PLD5: variants seen among roughly 807,000 people sequenced by gnomAD.
PLD5 encodes phospholipase D family member 5, also known as inactive phospholipase D5.
PLD5 carries 36 observed loss-of-function variants against 61.1 expected under a neutral mutation model. The ratio of observed to expected loss-of-function variants is 0.59; its 90% CI spans 0.45 to 0.78. PLD5 has a LOEUF of 0.78. PLD5 is among the 30% of genes least tolerant of loss of function. PLD5 has a pLI of 0.00. For missense variants in PLD5, 515 were observed against 644.4 expected, an observed-to-expected ratio of 0.80 and a Z score of 2.17; for synonymous variants, 243 against 242.8, an observed-to-expected ratio of 1.00 and a Z score of -0.01.
chr1:242,342,139 A>G (rs1407887933), intron 2 of PLD5, among the ~76,000 whole-genome samples: 1 of 152,198 alleles, frequency 6.6e-6, no homozygotes, highest in Non-Finnish European at 1.5e-5. Context: ...TTGGGCCTGA[A>G]GTCAGGGAGG....
chr1:242,449,508 TGCTGGCCTCAATG>T, intron 1 of PLD5: 1 of 1,508,174 alleles, frequency 6.6e-7, no homozygotes, highest in Non-Finnish European at 8.8e-7. Flanking sequence ...GTCCCTCAAT[TGCTGGCCTCAATG>T]CTTTGGAAAT....
intron 1 of PLD5, among the ~76,000 whole-genome samples, chr1:242,356,784 T>G (rs1660776706): frequency 6.6e-6 from 1 of 152,128 alleles, no homozygotes; most frequent in South Asian, 2.1e-4. Context: ...TGATAACAGC[T>G]TAACTTTGAT....
At chr1:242,157,925 T>TC (rs1180655722) in intron 5 of PLD5, among the ~76,000 whole-genome samples, 3 of 152,300 alleles carry the variant, frequency 2.0e-5, no homozygotes, top group Non-Finnish European at 4.4e-5. Flanking sequence ...AGCTGTCCCT[T>TC]CCCCCAGGTG....
chr1:242,424,653 C>G (rs945867552), intron 1 of PLD5, among the ~76,000 whole-genome samples: 1 of 152,080 alleles, frequency 6.6e-6, no homozygotes, highest in African/African-American at 2.4e-5. Flanking sequence ...TGGGTTTCCT[C>G]TCTGGGGTCC....
At chr1:242,096,950 C>G (rs1260078157) in intron 9 of PLD5, among the ~76,000 whole-genome samples, 3 of 141,908 alleles carry the variant, frequency 2.1e-5, no homozygotes, top group Non-Finnish European at 4.6e-5. Context: ...CTTCCTGTGT[C>G]TGTGTGTTCT....
At chr1:242,469,930 G>T (rs760203290) in intron 1 of PLD5, among the ~76,000 whole-genome samples, 1 of 152,142 alleles carries the variant, frequency 6.6e-6, no homozygotes, top group African/African-American at 2.4e-5. Context: ...AGATAACAAA[G>T]CTTATCTGAG....
intron 1 of PLD5, among the ~76,000 whole-genome samples, chr1:242,494,094 C>T (rs1668277654): frequency 1.4e-5 from 1 of 71,158 alleles, no homozygotes; most frequent in Non-Finnish European, 2.7e-5. Flanking sequence ...CCCTCCCTTC[C>T]CCTCTCCTCC....
At chr1:242,507,263 A>C (rs562302781) in intron 1 of PLD5, among the ~76,000 whole-genome samples, 1 of 152,290 alleles carries the variant, frequency 6.6e-6, no homozygotes, top group South Asian at 2.1e-4. Context: ...ATTTGGTCTA[A>C]ATTTTTTACC....
intron 4 of PLD5, among the ~76,000 whole-genome samples, chr1:242,225,726 A>G (rs1304732456): frequency 2.0e-5 from 3 of 152,164 alleles, no homozygotes; most frequent in African/African-American, 7.2e-5. Flanking sequence ...CTTTGCTGTT[A>G]AGTGATATTT....
intron 1 of PLD5, among the ~76,000 whole-genome samples, chr1:242,512,677 A>G (rs1558160580): frequency 1.3e-5 from 2 of 152,236 alleles, no homozygotes. Flanking sequence ...ATAACACTGG[A>G]TATTGACATA....
intron 5 of PLD5, among the ~76,000 whole-genome samples, chr1:242,174,113 C>A (rs1666955907): frequency 6.6e-6 from 1 of 152,142 alleles, no homozygotes; most frequent in African/African-American, 2.4e-5. Context: ...GAACAGGCAA[C>A]CTACAGAATG....
At chr1:242,500,499 C>T (rs1668519148) in intron 1 of PLD5, among the ~76,000 whole-genome samples, 1 of 152,094 alleles carries the variant, frequency 6.6e-6, no homozygotes, top group South Asian at 2.1e-4. Context: ...GTACCTGAAA[C>T]AATGGGAGTG....
chr1:242,333,483 A>G (rs1174306821), intron 2 of PLD5, among the ~76,000 whole-genome samples: 1 of 152,158 alleles, frequency 6.6e-6, no homozygotes, highest in African/African-American at 2.4e-5. Context: ...AACCACTTTG[A>G]GACCTCAGGA....
At chr1:242,320,688 A>G (rs1398016142) in intron 2 of PLD5, among the ~76,000 whole-genome samples, 3 of 152,148 alleles carry the variant, frequency 2.0e-5, no homozygotes, top group Non-Finnish European at 4.4e-5. Context: ...AAGCCAACGT[A>G]TCATAAGAAA....
rs528659139 is a variant in PLD5 at position 242,309,886 on chromosome 1, T to C, written c.327-21356A>G. On this transcript the variant is annotated intron_variant, in intron 2 of 9. Coordinates refer to ENST00000536534, the MANE Select transcript of PLD5 (RefSeq NM_001372062.1). ...ATTGAGTTTTTTTATTCTTAGAGTA[T>C]GGAAAAATATTTTACCTGGAGAAAG... Among the ~76,000 whole-genome samples, 15 of 149,430 alleles carry C rather than the reference T, an allele frequency of 1.0e-4. No homozygotes were observed. In the South Asian group the frequency reaches 3.0e-3, roughly 30 times the overall value.
chr1:242,353,582 GA>G (rs1418278700), intron 1 of PLD5, among the ~76,000 whole-genome samples: 1 of 152,058 alleles, frequency 6.6e-6, no homozygotes, highest in East Asian at 1.9e-4. Flanking sequence ...ATTTTGATAA[GA>G]ATTGCAATAA....
chr1:242,499,828 T>A (rs567180597), intron 1 of PLD5, among the ~76,000 whole-genome samples: 10 of 152,304 alleles, frequency 6.6e-5, no homozygotes, highest in Middle Eastern at 3.4e-3. Flanking sequence ...TAAACATGTC[T>A]ATTTCCTCCA....
At chr1:242,175,178 T>C (rs1303529179) in intron 5 of PLD5, among the ~76,000 whole-genome samples, 1 of 152,130 alleles carries the variant, frequency 6.6e-6, no homozygotes, top group African/African-American at 2.4e-5. Flanking sequence ...ATATCCCTGA[T>C]GAACATGGAT....
intron 4 of PLD5, among the ~76,000 whole-genome samples, chr1:242,240,880 C>CTA (rs1216897246): frequency 1.3e-5 from 2 of 152,062 alleles, no homozygotes; most frequent in Non-Finnish European, 2.9e-5. Flanking sequence ...CTCATGGACT[C>CTA]TATAAAGTTC....
Sources: allele counts gnomAD v4.1 joint callset (sites outside exome capture counted in the v4.1 genomes callset), GRCh38; gene constraint gnomAD v4.1.1; transcripts MANE v1.5; gene names NCBI Gene and HGNC (gene_info 2026-07-23, HGNC 2026-07-21).